Variants in CLSTN1 observed in about 807,000 individuals in gnomAD.
CLSTN1 encodes the protein calsyntenin-1.
CLSTN1 carries 28 observed loss-of-function variants against 108.3 expected under a neutral mutation model. That is an observed-to-expected ratio of 0.26 (90% CI 0.19 to 0.35). The LOEUF (loss-of-function observed/expected upper bound fraction) is 0.35. Ranked by LOEUF, CLSTN1 falls within the 10% of genes least tolerant of loss-of-function variation. CLSTN1 has a pLI of 1.00. For synonymous variants in CLSTN1, 524 were observed against 534.9 expected (o/e 0.98, Z 0.28); for missense variants, 1,157 against 1,302.6 (o/e 0.89, Z 1.72).
Position 9,731,362 on chromosome 1 carries a change from G to A in CLSTN1, c.2592C>T (p.Ile864=), listed in dbSNP as rs773348768. 9.9e-6 allele frequency: 16 copies of A among 1,614,096 alleles called. 1 individual carries two copies. Among genetic ancestry groups the A allele is most frequent in the Middle Eastern group, 1.6e-4 (1 of 6,084 alleles). Residue 864 remains isoleucine (I), a synonymous_variant, in exon 18 of 19, where the codon ATC becomes ATT. Transcript: ENST00000377298. ...ACACCAGGAAGCTGACGCACACCAC[G>A]ATCACAACTGTCGCAGTGCTGGGGA... The part of the protein sequence containing the change: ...AVVPSTATVV[I]VVCVSFLVFM...
Position 9,744,530 on chromosome 1 carries a change from C to G in CLSTN1, c.1099G>C (p.Gly367Arg). The G allele has an allele frequency of 6.2e-7, 1 of 1,613,538 alleles. No individual in the cohort carries two copies. The highest frequency in any genetic ancestry group is 8.5e-7 in the Non-Finnish European group (1 of 1,179,984). ...HDSDQVFEFN[G>R]TQAVRIPDGV... ...TCCGGGATCCTCACTGCCTGGGTGC[C>G]GTTGAACTCAAACACCTGGTCGCTG... Residue 367 changes from glycine to arginine, a missense_variant, in exon 8 of 19, where the codon GGC (glycine) becomes CGC (arginine). Gly to Arg is a moderately radical substitution (Grantham distance 125). Transcript: ENST00000377298.
In CLSTN1 at chr1:9,815,674, G is replaced by A. The variant is rs190773522; in HGVS notation, c.91+7969C>T. On this transcript the variant is annotated intron_variant, in intron 1 of 18. Transcript: ENST00000377298. ...AACACAGGCCGGGCATAGTGCTCACGCCTGTAATCCCGGCACTTTGGAAGG... is the reference window on the plus strand; with the variant it reads ...AACACAGGCCGGGCATAGTGCTCACACCTGTAATCCCGGCACTTTGGAAGG... 2.5e-3 allele frequency among the ~76,000 whole-genome samples: 388 copies of A among 152,288 alleles called. 3 individuals carry two copies. The highest frequency in any genetic ancestry group is 8.8e-3 in the African/African-American group (367 of 41,564).
chr1:9,792,356 G>A (rs1311979531), intron 1 of CLSTN1, among the ~76,000 whole-genome samples: 1 of 151,532 alleles, frequency 6.6e-6, no homozygotes, highest in Admixed American at 6.7e-5. Flanking sequence ...TGTCACAGGT[G>A]TGATGTGGCA....
At chr1:9,731,175 TCA>T (rs1181212893) in intron 18 of CLSTN1, 29 bp downstream of exon 18, 1 of 1,613,648 alleles carries the variant, frequency 6.2e-7, no homozygotes. Flanking sequence ...GTGCTGCCTC[TCA>T]GTCCTGGAGG....
intron 1 of CLSTN1, among the ~76,000 whole-genome samples, chr1:9,799,697 C>T (rs1654167928): frequency 6.6e-6 from 1 of 151,094 alleles, no homozygotes. Flanking sequence ...AATCCCATCA[C>T]TTTGAGAGGC....
chr1:9,788,651 A>G (rs997377486), intron 1 of CLSTN1, among the ~76,000 whole-genome samples: 4 of 151,232 alleles, frequency 2.6e-5, no homozygotes, highest in Non-Finnish European at 5.9e-5. Flanking sequence ...GCGGATCATG[A>G]GGTCAGGAGA....
chr1:9,823,495 G>T lies in CLSTN1; in HGVS notation c.91+148C>A. 1 of 382,844 alleles carries T rather than the reference G, an allele frequency of 2.6e-6. No individual in the cohort carries two copies. Among genetic ancestry groups the T allele is most frequent in the Non-Finnish European group, 3.8e-6 (1 of 262,160 alleles). The allele number at this position is 382,844 out of a possible 1,614,324, so 23.7% of individuals were successfully genotyped here. A position where few individuals can be genotyped will look rare whatever the true frequency, so the allele number is the denominator to read the frequency against. On this transcript the variant is annotated intron_variant, in intron 1 of 18. Coordinates refer to ENST00000377298, the MANE Select transcript of CLSTN1 (RefSeq NM_001009566.3). This position sits in a 1 kb window ranked among gnomAD's most constrained non-coding sequence, Gnocchi z 6.3. ...CGCCCTGACCCGGCTCCCTGCGCTC[G>T]GACCCGACTCCCCGCATCCCGGCTC... is the stretch of plus-strand genomic sequence containing the variant.
intron 1 of CLSTN1, among the ~76,000 whole-genome samples, chr1:9,775,360 T>C (rs1400410204): frequency 6.6e-6 from 1 of 151,352 alleles, no homozygotes; most frequent in Non-Finnish European, 1.5e-5. Flanking sequence ...ATGGCCCGGA[T>C]CACTGGAGAA....
In CLSTN1 at chr1:9,823,484, T is replaced by C. The variant is rs529013111; in HGVS notation, c.91+159A>G. 2.4e-3 allele frequency among the ~76,000 whole-genome samples: 366 copies of C among 151,456 alleles called. 3 individuals carry two copies. The highest frequency in any genetic ancestry group is 8.5e-3 in the African/African-American group (350 of 41,214). ...CCCGAACCCCACGCCCTGACCCGGC[T>C]CCCTGCGCTCGGACCCGACTCCCCG... On this transcript the variant is annotated intron_variant, in intron 1 of 18. Coordinates refer to ENST00000377298, the MANE Select transcript of CLSTN1 (RefSeq NM_001009566.3). This position sits in a 1 kb window ranked among gnomAD's most constrained non-coding sequence, Gnocchi z 6.3.
chr1:9,735,528 G>C lies in CLSTN1; in HGVS notation c.1822C>G (p.Leu608Val). ...LDKAMQHISY[L>V]NSRQFPTPGI... The stretch of plus-strand genomic sequence containing the variant: ...GGCGTGGGGAACTGCCGGGAGTTCA[G>C]GTACGAGATGTGCTGCATGGCCTTA... Residue 608 changes from leucine to valine, a missense_variant, in exon 13 of 19, where the codon CTG becomes GTG. By Grantham distance (32) the Leu-to-Val change is conservative. Transcript: ENST00000377298. 2 of 1,614,200 alleles carry C rather than the reference G, an allele frequency of 1.2e-6. No homozygotes were observed. Among genetic ancestry groups the C allele is most frequent in the East Asian group, 2.2e-5 (1 of 44,884 alleles).
chr1:9,794,556 G>C (rs1653908009), intron 1 of CLSTN1, among the ~76,000 whole-genome samples: 1 of 151,364 alleles, frequency 6.6e-6, no homozygotes, highest in Admixed American at 6.7e-5. Context: ...TGATCTACCT[G>C]CCTCAGCCTC....
chr1:9,752,077 C>G (rs558741249), intron 4 of CLSTN1, among the ~76,000 whole-genome samples: 1 of 150,820 alleles, frequency 6.6e-6, no homozygotes, highest in Non-Finnish European at 1.5e-5. Flanking sequence ...TAGCAAAATC[C>G]AGAAAAAAAA....
At chr1:9,749,433 CG>C (rs773266317) in intron 7 of CLSTN1, 27 bp downstream of exon 7, 1 of 1,582,966 alleles carries the variant, frequency 6.3e-7, no homozygotes, top group East Asian at 2.2e-5. Context: ...CAAAGCCAGC[CG>C]GATGCAAGAA....
chr1:9,737,181 G>A (rs774467049), intron 11 of CLSTN1, among the ~76,000 whole-genome samples: 70 of 152,032 alleles, frequency 4.6e-4, no homozygotes, highest in Non-Finnish European at 5.4e-4. Context: ...TGACAGTCAC[G>A]AGGCGGCCTC....
intron 1 of CLSTN1, among the ~76,000 whole-genome samples, chr1:9,792,923 C>T (rs574414179): frequency 4.6e-5 from 7 of 151,362 alleles, no homozygotes; most frequent in Non-Finnish European, 1.0e-4. Context: ...GGGGAAGAGA[C>T]AGAGGTGGAC....
rs1650574063 is a variant in CLSTN1, at chr1:9,734,462, C to G, written c.2111-320G>C. On this transcript the variant is annotated intron_variant, in intron 14 of 18. Transcript: ENST00000377298. This position sits in a 1 kb window ranked among gnomAD's most constrained non-coding sequence, Gnocchi z 4.8. ...TTGTGGCAGGTCCCTGTAATCCCAG[C>G]TATTCGGGAGGCTGAGGCAGGAGAA... is the stretch of plus-strand genomic sequence containing the variant. Among the ~76,000 whole-genome samples the G allele has an allele frequency of 6.6e-6, 1 of 151,832 alleles. No individual in the cohort carries two copies. Among genetic ancestry groups the G allele is most frequent in the South Asian group, 2.1e-4 (1 of 4,812 alleles).
chr1:9,735,128 A>G lies in CLSTN1; in HGVS notation c.1930T>C (p.Tyr644His). The part of the protein sequence containing the change: ...TCISVPPVDG[Y>H]VMVLQPEEPK... Reference sequence around the variant, plus strand: ...TCCTCGGGCTGTAAAACCATCACGTAGCCATCTACCGGGGGGACCGAAATG... The same window carrying G: ...TCCTCGGGCTGTAAAACCATCACGTGGCCATCTACCGGGGGGACCGAAATG... The change falls in exon 14 of 19, where the codon TAC becomes CAC. Residue 644 changes from tyrosine to histidine, a missense_variant. Physicochemically the swap from Tyr to His is moderately conservative, Grantham distance 83. Transcript: ENST00000377298. 1 of 1,614,218 alleles carries G rather than the reference A, an allele frequency of 6.2e-7. No homozygotes were observed. The highest frequency in any genetic ancestry group is 1.3e-5 in the African/African-American group (1 of 75,064).
At chr1:9,771,475 G>A (rs1328109459) in intron 2 of CLSTN1, among the ~76,000 whole-genome samples, 4 of 152,016 alleles carry the variant, frequency 2.6e-5, no homozygotes, top group African/African-American at 4.8e-5. Context: ...TTAGCTGGGC[G>A]TGGTGGCAGG....
intron 2 of CLSTN1, among the ~76,000 whole-genome samples, chr1:9,757,506 G>T (rs1311160058): frequency 6.6e-6 from 1 of 152,140 alleles, no homozygotes; most frequent in African/African-American, 2.4e-5. Context: ...CTCCCAAAGT[G>T]CTGGGATTAC....
Sources: gnomAD v4.1 joint callset for allele counts (sites outside exome capture counted in the v4.1 genomes callset) on GRCh38, gnomAD v4.1.1 for gene constraint, Gnocchi (gnomAD v3.1) non-coding constraint, MANE v1.5 for transcripts, NCBI Gene and HGNC (gene_info 2026-07-23, HGNC 2026-07-21) for gene names.